MS4A4A: variants seen among roughly 807,000 people sequenced by gnomAD.
The protein encoded by MS4A4A is membrane spanning 4-domains A4A, also known as membrane-spanning 4-domains subfamily A member 4A.
A neutral mutation model predicts 28.0 loss-of-function variants in MS4A4A; 26 were observed. The observed-to-expected ratio is 0.93, with a 90% confidence interval of 0.68 to 1.29. The LOEUF (loss-of-function observed/expected upper bound fraction) is 1.29, where lower values mean the gene tolerates loss of function less well. Ranked by LOEUF, MS4A4A falls within the 50% of genes most tolerant of loss-of-function variation. The pLI, the probability that MS4A4A is intolerant of heterozygous loss-of-function variation, is 0.00. For synonymous variants in MS4A4A, 86 were observed against 100.8 expected (o/e 0.85, Z 0.88); for missense variants, 290 against 293.1 (o/e 0.99, Z 0.08).
chr11:60,293,133 C>T (rs1296871625), intron 2 of MS4A4A, among the ~76,000 whole-genome samples: 2 of 152,178 alleles, frequency 1.3e-5, no homozygotes, highest in East Asian at 3.9e-4. Flanking sequence ...TCTGGGCTCA[C>T]TGCAACCTCC....
Position 60,308,563 on chromosome 11 carries a change from A to G in MS4A4A, c.*385A>G. ...GCAAAAAAAAGATATTGTTAAAATGAGGCCTCCATGCAAAACACATACTTC... is the reference window on the plus strand; with the variant it reads ...GCAAAAAAAAGATATTGTTAAAATGGGGCCTCCATGCAAAACACATACTTC... On this transcript the variant is annotated 3_prime_UTR_variant, in exon 7 of 7. Coordinates refer to ENST00000337908, the MANE Select transcript of MS4A4A (RefSeq NM_148975.3). 6.0e-6 allele frequency: 1 copy of G among 166,382 alleles called. No individual in the cohort carries two copies. Among genetic ancestry groups the G allele is most frequent in the Non-Finnish European group, 1.3e-5 (1 of 77,734 alleles). 10.3% of individuals were successfully genotyped at this position (166,382 alleles called of 1,614,324 possible). A position where few individuals can be genotyped will look rare whatever the true frequency, so the allele number is the denominator to read the frequency against.
At chr11:60,283,384 T>A (rs958388515) in intron 1 of MS4A4A, among the ~76,000 whole-genome samples, 1 of 152,214 alleles carries the variant, frequency 6.6e-6, no homozygotes, top group Non-Finnish European at 1.5e-5. Context: ...TCCAGATTTT[T>A]AACATGGATA....
rs573512880 is a variant in MS4A4A, at chr11:60,302,789, A to C, written c.546+72A>C. 5.9e-6 allele frequency: 8 copies of C among 1,354,860 alleles called. No homozygotes were observed. In the East Asian group the frequency reaches 6.9e-5, roughly 12 times the overall value. The allele number at this position is 1,354,860 out of a possible 1,614,324, so 83.9% of individuals were successfully genotyped here. On this transcript the variant is annotated intron_variant, in intron 5 of 6. Transcript: ENST00000337908. ...GGGGAGTGCTGGCTCTGGCAAAGAC[A>C]ATAATTAATATTCCCTAATTGATGA...
intron 5 of MS4A4A, among the ~76,000 whole-genome samples, chr11:60,303,106 AT>A (rs1273365699): frequency 6.6e-6 from 1 of 152,188 alleles, no homozygotes; most frequent in African/African-American, 2.4e-5. Context: ...CTTGAACAGT[AT>A]TTTACAAGTG....
intron 4 of MS4A4A, 132 bp from the exon 5 acceptor site, chr11:60,302,427 G>A (rs2084959880): frequency 1.1e-6 from 1 of 915,218 alleles, no homozygotes; most frequent in South Asian, 1.8e-5. Context: ...CACAAGACAA[G>A]TTAGAAGACT....
chr11:60,296,495 CTCT>C (rs1220148250), intron 2 of MS4A4A, among the ~76,000 whole-genome samples: 7 of 152,016 alleles, frequency 4.6e-5, no homozygotes, highest in South Asian at 2.1e-4. Flanking sequence ...TCTATTATAG[CTCT>C]TCTTCTGTTT....
At chr11:60,290,066 C>A (rs938357008) in intron 1 of MS4A4A, 1 of 442,990 alleles carries the variant, frequency 2.3e-6, no homozygotes, top group Non-Finnish European at 4.6e-6. Context: ...TCAAGGATAT[C>A]TACTTCCTTC....
chr11:60,300,816 A>C (rs1427846356), intron 3 of MS4A4A, among the ~76,000 whole-genome samples, 185 bp from the exon 4 acceptor site: 1 of 152,028 alleles, frequency 6.6e-6, no homozygotes. Flanking sequence ...TCTCCCATGG[A>C]TTTATCTGGT....
chr11:60,281,058 G>A (rs185255431), intron 1 of MS4A4A, among the ~76,000 whole-genome samples: 2 of 152,284 alleles, frequency 1.3e-5, no homozygotes, highest in Non-Finnish European at 2.9e-5. Flanking sequence ...CTCATCTACT[G>A]TTAATGCCCT....
At chr11:60,292,062 A>G (rs567504176) in intron 1 of MS4A4A, among the ~76,000 whole-genome samples, 163 bp from the exon 2 acceptor site, 212 of 152,166 alleles carry the variant, frequency 1.4e-3, no homozygotes, top group African/African-American at 5.0e-3. Flanking sequence ...CCACACACAC[A>G]CTTAATGTGT....
chr11:60,300,880 G>C (rs1261231937), intron 3 of MS4A4A, 121 bp from the exon 4 acceptor site: 2 of 683,904 alleles, frequency 2.9e-6, no homozygotes, highest in Non-Finnish European at 4.8e-6. Context: ...AACCTTTGTG[G>C]TTTTCTTTAA....
chr11:60,290,924 A>G (rs888443041), intron 1 of MS4A4A, among the ~76,000 whole-genome samples: 58 of 151,754 alleles, frequency 3.8e-4, no homozygotes, highest in African/African-American at 1.3e-3. Flanking sequence ...TTTTTCATTT[A>G]TGGTACCAAT....
intron 2 of MS4A4A, among the ~76,000 whole-genome samples, chr11:60,294,415 A>G (rs1344232538): frequency 1.3e-5 from 2 of 152,002 alleles, no homozygotes; most frequent in African/African-American, 4.8e-5. Flanking sequence ...TTGTCTTTTC[A>G]TCTCTTGACA....
At chr11:60,299,941 G>C (rs148544545) in intron 3 of MS4A4A, among the ~76,000 whole-genome samples, 1,624 of 152,230 alleles carry the variant, frequency 0.011, 30 homozygotes, top group African/African-American at 0.033. Context: ...AGAGCTGAAG[G>C]AACATCCCAA....
intron 3 of MS4A4A, among the ~76,000 whole-genome samples, chr11:60,299,682 C>T (rs899458492): frequency 1.1e-4 from 17 of 151,950 alleles, no homozygotes; most frequent in Admixed American, 2.0e-4. Flanking sequence ...ACTGTGGTCT[C>T]GATCTCCTGG....
Position 60,306,027 on chromosome 11 carries a change from T to C in MS4A4A, c.547-73T>C, listed in dbSNP as rs1590763278. On this transcript the variant is annotated intron_variant, in intron 5 of 6. Coordinates refer to ENST00000337908, the MANE Select transcript of MS4A4A (RefSeq NM_148975.3). ...AGCCAGTGCTTTTTCTCTTATGACATTGTGGTTACTGGGAAATGTTTTCAC... is the reference window on the plus strand; with the variant it reads ...AGCCAGTGCTTTTTCTCTTATGACACTGTGGTTACTGGGAAATGTTTTCAC... 5.5e-6 allele frequency: 7 copies of C among 1,283,382 alleles called. No homozygotes were observed. The East Asian group carries it at 1.6e-4, about 30-fold the overall frequency. 79.5% of individuals were successfully genotyped at this position (1,283,382 alleles called of 1,614,324 possible).
chr11:60,297,662 G>A (rs564297639), intron 3 of MS4A4A, among the ~76,000 whole-genome samples: 1 of 152,304 alleles, frequency 6.6e-6, no homozygotes, highest in Admixed American at 6.5e-5. Context: ...ATTCAGTGGT[G>A]CAAGGATTTC....
At chr11:60,287,372 C>A (rs2084812211) in intron 1 of MS4A4A, among the ~76,000 whole-genome samples, 1 of 152,128 alleles carries the variant, frequency 6.6e-6, no homozygotes, top group Non-Finnish European at 1.5e-5. Context: ...CAAATTTATT[C>A]TTTTTTCAGG....
intron 1 of MS4A4A, chr11:60,290,060 G>T: frequency 2.3e-6 from 1 of 440,862 alleles, no homozygotes; most frequent in Non-Finnish European, 4.6e-6. Flanking sequence ...CTTGTATCAA[G>T]GATATCTACT....
Sources: allele counts gnomAD v4.1 joint callset (sites outside exome capture counted in the v4.1 genomes callset), GRCh38; gene constraint gnomAD v4.1.1; transcripts MANE v1.5; gene names NCBI Gene and HGNC (gene_info 2026-07-23, HGNC 2026-07-21).